The following PTK2 variants were observed in gnomAD, a reference collection of about 807,000 sequenced individuals.
The protein encoded by PTK2 is focal adhesion kinase 1.
PTK2 carries 45 observed loss-of-function variants against 150.1 expected under a neutral mutation model. That is an observed-to-expected ratio of 0.30 (90% CI 0.24 to 0.38). The LOEUF (loss-of-function observed/expected upper bound fraction) is 0.38. PTK2 is among the 10% of genes least tolerant of loss of function. The pLI is 1.00. For missense variants in PTK2, 919 were observed against 1,307.3 expected (o/e 0.70, Z 4.58); for synonymous variants, 432 against 449.2 (o/e 0.96, Z 0.48).
At chr8:140,691,330 A>G (rs925851417) in intron 26 of PTK2, among the ~76,000 whole-genome samples, 7 of 152,318 alleles carry the variant, frequency 4.6e-5, no homozygotes, top group Non-Finnish European at 8.8e-5. Context: ...AAATCTTGGT[A>G]TAAGTTTCCA....
At chr8:140,860,914 T>C (rs1269859061) in intron 5 of PTK2, among the ~76,000 whole-genome samples, 2 of 152,242 alleles carry the variant, frequency 1.3e-5, no homozygotes, top group African/African-American at 4.8e-5. Context: ...GGGAAAGGAA[T>C]GTGACCATGA....
intron 1 of PTK2, among the ~76,000 whole-genome samples, chr8:140,998,743 C>T (rs1274330243): frequency 2.0e-5 from 3 of 149,248 alleles, no homozygotes; most frequent in African/African-American, 7.5e-5. Context: ...GGCATGAACC[C>T]GGGCAGTGGA....
At chr8:140,798,390 T>C (rs2100092952) in intron 12 of PTK2, among the ~76,000 whole-genome samples, 1 of 152,072 alleles carries the variant, frequency 6.6e-6, no homozygotes, top group South Asian at 2.1e-4. Flanking sequence ...AATAAGAAAA[T>C]TACCAAGTTT....
intron 14 of PTK2, among the ~76,000 whole-genome samples, chr8:140,785,553 G>T (rs1049566586): frequency 1.3e-5 from 2 of 152,152 alleles, no homozygotes; most frequent in Non-Finnish European, 2.9e-5. Context: ...ACCCAGACTT[G>T]GGTCAGGTAA....
chr8:140,682,362 CCT>C (rs1046568030), intron 27 of PTK2, among the ~76,000 whole-genome samples: 4 of 151,832 alleles, frequency 2.6e-5, no homozygotes, highest in African/African-American at 4.8e-5. Flanking sequence ...AGAGCAAGAC[CCT>C]GTCTCAAAAC....
At chr8:140,980,724 T>C (rs1386486902) in intron 1 of PTK2, among the ~76,000 whole-genome samples, 1 of 151,188 alleles carries the variant, frequency 6.6e-6, no homozygotes, top group East Asian at 1.9e-4. Context: ...CTCTTCCAAG[T>C]CTACTTTTCC....
At chr8:140,667,571 G>A (rs1361115808) in intron 30 of PTK2, among the ~76,000 whole-genome samples, 1 of 151,870 alleles carries the variant, frequency 6.6e-6, no homozygotes, top group South Asian at 2.1e-4. Flanking sequence ...AAAGTTCTGG[G>A]ATTATGGGCA....
intron 12 of PTK2, among the ~76,000 whole-genome samples, chr8:140,798,152 A>G (rs1412805054): frequency 1.3e-5 from 2 of 152,196 alleles, no homozygotes; most frequent in African/African-American, 4.8e-5. Flanking sequence ...TATTATTTAA[A>G]GCATGTTTCC....
intron 1 of PTK2, among the ~76,000 whole-genome samples, chr8:140,998,963 G>C (rs2100198926): frequency 6.6e-6 from 1 of 152,166 alleles, no homozygotes; most frequent in Non-Finnish European, 1.5e-5. Flanking sequence ...GTGCTTTTCA[G>C]AAAACATTTT....
At chr8:140,961,626 G>A (rs896792411) in intron 1 of PTK2, among the ~76,000 whole-genome samples, 1 of 150,858 alleles carries the variant, frequency 6.6e-6, no homozygotes, top group Non-Finnish European at 1.5e-5. Flanking sequence ...CGCGCCACTG[G>A]TCTCCAGCCT....
chr8:140,913,297 CTTTTT>C (rs59811549), intron 2 of PTK2, among the ~76,000 whole-genome samples: 7 of 130,232 alleles, frequency 5.4e-5, no homozygotes, highest in Admixed American at 7.5e-5. Context: ...TAAAATTAAA[CTTTTT>C]TTTTTTTTTT....
Position 140,783,075 on chromosome 8 carries a change from C to CA in PTK2, c.1177+6398dup, listed in dbSNP as rs1467037032. On this transcript the variant is annotated intron_variant, in intron 14 of 31. Coordinates refer to ENST00000522684, the Ensembl canonical transcript of PTK2. Reference sequence around the variant, plus strand: ...GCAACATAGGGAGACCCCGTCTCTACAAAAAAAATACAAAAATTTGCTGGG... The same window carrying CA: ...GCAACATAGGGAGACCCCGTCTCTACAAAAAAAAATACAAAAATTTGCTGGG... Among the ~76,000 whole-genome samples the CA allele has an allele frequency of 3.3e-5, 5 of 151,452 alleles. No individual in the cohort carries two copies. The South Asian group carries it at 6.3e-4, about 19-fold the overall frequency.
At chr8:140,693,899 G>A (rs2100024762) in intron 26 of PTK2, among the ~76,000 whole-genome samples, 1 of 152,130 alleles carries the variant, frequency 6.6e-6, no homozygotes, top group Admixed American at 6.5e-5. Flanking sequence ...TTTCAAACAA[G>A]AACAGAACTT....
chr8:140,910,056 T>C (rs1033186121), intron 2 of PTK2, among the ~76,000 whole-genome samples: 2 of 152,204 alleles, frequency 1.3e-5, no homozygotes, highest in African/African-American at 2.4e-5. Flanking sequence ...AACTCCATTA[T>C]GAAGTTACAT....
At chr8:140,726,662 A>C (rs1270711035) in intron 22 of PTK2, among the ~76,000 whole-genome samples, 1 of 152,212 alleles carries the variant, frequency 6.6e-6, no homozygotes, top group Non-Finnish European at 1.5e-5. Context: ...CTATCAACAA[A>C]GTTAAGTTCA....
At chr8:140,723,598 CA>C (rs1165698058) in intron 22 of PTK2, among the ~76,000 whole-genome samples, 4 of 152,138 alleles carry the variant, frequency 2.6e-5, no homozygotes, top group Non-Finnish European at 2.9e-5. Flanking sequence ...CATATTTTCC[CA>C]AACTATAAAT....
At chr8:140,715,818 G>A (rs187245898) in intron 23 of PTK2, among the ~76,000 whole-genome samples, 2 of 151,982 alleles carry the variant, frequency 1.3e-5, no homozygotes, top group Non-Finnish European at 2.9e-5. Context: ...AAATATTTAA[G>A]CCAATCTAGT....
In PTK2 at chr8:140,815,987, GT is replaced by G. The variant is rs2100104481; in HGVS notation, c.867+2289del. On this transcript the variant is annotated intron_variant, in intron 10 of 31. Transcript: ENST00000522684. Reference sequence around the variant, plus strand: ...AAATAGGAATATTGTCTACTGCCCTGTTATTAAACATGATCTTTGAGCTTCT... The same window carrying G: ...AAATAGGAATATTGTCTACTGCCCTGTATTAAACATGATCTTTGAGCTTCT... Among the ~76,000 whole-genome samples the G allele has an allele frequency of 2.6e-5, 4 of 152,190 alleles. No homozygotes were observed. In the South Asian group the frequency reaches 6.2e-4, roughly 24 times the overall value.
At chr8:140,965,396 T>G (rs1329390464) in intron 1 of PTK2, among the ~76,000 whole-genome samples, 1 of 152,162 alleles carries the variant, frequency 6.6e-6, no homozygotes. Context: ...TCTCCTGCAC[T>G]CCACAGCATT....
Sources: gnomAD v4.1 joint callset for allele counts (sites outside exome capture counted in the v4.1 genomes callset) on GRCh38, gnomAD v4.1.1 for gene constraint, MANE v1.5 for transcripts, NCBI Gene and HGNC (gene_info 2026-07-23, HGNC 2026-07-21) for gene names.